The following TRAPPC9 variants were observed in gnomAD, a reference collection of about 807,000 sequenced individuals.
TRAPPC9 encodes the protein IKK2 binding protein.
In TRAPPC9, 83 loss-of-function variants were observed where a neutral mutation model predicts 124.0. The observed-to-expected ratio is 0.67, with a 90% confidence interval of 0.56 to 0.80. The LOEUF (loss-of-function observed/expected upper bound fraction) is 0.80, where lower values mean the gene tolerates loss of function less well. TRAPPC9 is among the 30% of genes least tolerant of loss of function. The pLI is 0.00. For missense variants in TRAPPC9, 1,302 were observed against 1,508.3 expected, an observed-to-expected ratio of 0.86 and a Z score of 2.27; for synonymous variants, 638 against 617.5, an observed-to-expected ratio of 1.03 and a Z score of -0.49.
chr8:139,916,158 A>T (rs1034198407), intron 19 of TRAPPC9, among the ~76,000 whole-genome samples: 1 of 152,226 alleles, frequency 6.6e-6, no homozygotes, highest in African/African-American at 2.4e-5. Context: ...AAACCCCTCA[A>T]GACACTGTCC....
At chr8:140,248,473 T>A (rs937109527) in intron 16 of TRAPPC9, among the ~76,000 whole-genome samples, 4 of 152,236 alleles carry the variant, frequency 2.6e-5, no homozygotes, top group African/African-American at 9.6e-5. Flanking sequence ...GGCTTCCTCT[T>A]GTGCAGACGG....
At chr8:140,250,281 C>A (rs2064100845) in intron 16 of TRAPPC9, among the ~76,000 whole-genome samples, 1 of 152,208 alleles carries the variant, frequency 6.6e-6, no homozygotes, top group Admixed American at 6.5e-5. Flanking sequence ...GCTCAGTAAA[C>A]ATTAATTATC....
At chr8:140,354,405 A>G (rs2067678257) in intron 9 of TRAPPC9, among the ~76,000 whole-genome samples, 1 of 152,266 alleles carries the variant, frequency 6.6e-6, no homozygotes, top group Non-Finnish European at 1.5e-5. Flanking sequence ...TCCACAAATC[A>G]TCAGGGTAGT....
chr8:140,248,440 G>C lies in TRAPPC9; in HGVS notation c.2431+4337C>G, dbSNP rs1479643964. 2.0e-5 allele frequency among the ~76,000 whole-genome samples: 3 copies of C among 152,252 alleles called. No individual in the cohort carries two copies. The East Asian group carries it at 5.8e-4, about 29-fold the overall frequency. ...AATGAGTACCTGCTGGCTGTGTGGG[G>C]ATTCCTGGGTGTGTGTGTTTCCGGC... On this transcript the variant is annotated intron_variant, in intron 16 of 22. Coordinates refer to ENST00000438773, the MANE Select transcript of TRAPPC9 (RefSeq NM_001160372.4).
chr8:140,381,952 C>T (rs558830192), intron 7 of TRAPPC9, among the ~76,000 whole-genome samples: 2 of 152,310 alleles, frequency 1.3e-5, no homozygotes, highest in Admixed American at 6.5e-5. Flanking sequence ...CCCAAGAGAA[C>T]TGAAAATATG....
intron 21 of TRAPPC9, among the ~76,000 whole-genome samples, chr8:139,734,403 T>G (rs1278331400): frequency 6.6e-6 from 1 of 152,248 alleles, no homozygotes; most frequent in Non-Finnish European, 1.5e-5. Context: ...GTGGCTCGTG[T>G]CCACTGTTTT....
chr8:140,175,345 A>G (rs2062043226), intron 17 of TRAPPC9, among the ~76,000 whole-genome samples: 1 of 151,688 alleles, frequency 6.6e-6, no homozygotes, highest in South Asian at 2.1e-4. Context: ...ACAAGCAGAC[A>G]TTGGCATAAG....
At chr8:140,140,977 C>A (rs1204292693) in intron 17 of TRAPPC9, among the ~76,000 whole-genome samples, 1 of 152,210 alleles carries the variant, frequency 6.6e-6, no homozygotes, top group Non-Finnish European at 1.5e-5. Flanking sequence ...AGCTTTTCAA[C>A]ATTTCTACAG....
chr8:139,837,384 A>C (rs890140595), intron 21 of TRAPPC9, among the ~76,000 whole-genome samples: 2 of 152,102 alleles, frequency 1.3e-5, no homozygotes, highest in South Asian at 2.1e-4. Flanking sequence ...ACGGCACTTC[A>C]AAAAGGCCCC....
chr8:140,175,375 A>G lies in TRAPPC9; in HGVS notation c.2556+46084T>C, dbSNP rs2062044570. Among the ~76,000 whole-genome samples, 3 of 151,904 alleles carry G rather than the reference A, an allele frequency of 2.0e-5. No individual in the cohort carries two copies. The South Asian group carries it at 6.2e-4, about 32-fold the overall frequency. ...CATAAGAGACGCCACAGCAGTTTCC[A>G]GGCTTCTACCACAGAGGTCCTTTAT... On this transcript the variant is annotated intron_variant, in intron 17 of 22. Coordinates refer to ENST00000438773, the MANE Select transcript of TRAPPC9 (RefSeq NM_001160372.4).
chr8:139,780,097 T>C (rs1421618136), intron 21 of TRAPPC9, among the ~76,000 whole-genome samples: 1 of 152,182 alleles, frequency 6.6e-6, no homozygotes, highest in Non-Finnish European at 1.5e-5. Context: ...TCTTCTTAAG[T>C]TGATTATCTA....
intron 6 of TRAPPC9, among the ~76,000 whole-genome samples, chr8:140,401,295 C>CA (rs2069257812): frequency 6.6e-6 from 1 of 152,180 alleles, no homozygotes; most frequent in Admixed American, 6.5e-5. Flanking sequence ...GGGTAGGCTT[C>CA]ATTCCTCCCC....
At chr8:140,178,011 A>G (rs2062108894) in intron 17 of TRAPPC9, among the ~76,000 whole-genome samples, 2 of 152,126 alleles carry the variant, frequency 1.3e-5, no homozygotes, top group African/African-American at 2.4e-5. Context: ...GTATCCTACT[A>G]CCTTGCTAAA....
Position 139,802,023 on chromosome 8 carries a change from G to T in TRAPPC9, c.3056-69821C>A, listed in dbSNP as rs118029284. ...CTTAGCAGAGCTCACTCAAGGTGCT[G>T]TGTCTCCCAGGAATTGGCTGGAGCT... On this transcript the variant is annotated intron_variant, in intron 21 of 22. Transcript: ENST00000438773. Among the ~76,000 whole-genome samples, 31 of 152,310 alleles carry T rather than the reference G, an allele frequency of 2.0e-4. No homozygotes were observed. In the East Asian group the frequency reaches 2.5e-3, roughly 12 times the overall value.
intron 20 of TRAPPC9, among the ~76,000 whole-genome samples, chr8:139,909,352 C>A (rs543416185): frequency 1.3e-5 from 2 of 152,206 alleles, no homozygotes; most frequent in Non-Finnish European, 2.9e-5. Flanking sequence ...CTCTATGAAG[C>A]CTTCCTTGAA....
intron 18 of TRAPPC9, among the ~76,000 whole-genome samples, chr8:140,002,446 A>G (rs1470245637): frequency 6.6e-6 from 1 of 152,182 alleles, no homozygotes; most frequent in Non-Finnish European, 1.5e-5. Context: ...ATGACACTGT[A>G]GATGTAGACA....
chr8:140,350,808 G>C (rs994622977), intron 9 of TRAPPC9, among the ~76,000 whole-genome samples: 1 of 152,172 alleles, frequency 6.6e-6, no homozygotes, highest in Non-Finnish European at 1.5e-5. Context: ...GACAAGGTGG[G>C]AGAGAGGGCA....
chr8:140,025,562 A>G (rs1034588946), intron 17 of TRAPPC9, among the ~76,000 whole-genome samples: 1 of 107,080 alleles, frequency 9.3e-6, no homozygotes, highest in Non-Finnish European at 1.9e-5. Context: ...CATAAGCAAA[A>G]TGCAAAAAAA....
intron 21 of TRAPPC9, among the ~76,000 whole-genome samples, chr8:139,885,363 G>A (rs1587094485): frequency 6.6e-6 from 1 of 152,192 alleles, no homozygotes; most frequent in Non-Finnish European, 1.5e-5. Context: ...ACGTTGAGTT[G>A]AGGCATTTAC....
Sources: allele counts gnomAD v4.1 joint callset (sites outside exome capture counted in the v4.1 genomes callset), GRCh38; gene constraint gnomAD v4.1.1; transcripts MANE v1.5; gene names NCBI Gene and HGNC (gene_info 2026-07-23, HGNC 2026-07-21).